The following RDX variants were observed in gnomAD, a reference collection of about 807,000 sequenced individuals.
RDX encodes deafness, autosomal recessive 24.
A neutral mutation model predicts 83.7 loss-of-function variants in RDX; 32 were observed. That is an observed-to-expected ratio of 0.38 (90% CI 0.29 to 0.51). The LOEUF (loss-of-function observed/expected upper bound fraction) is 0.51, where lower values mean the gene tolerates loss of function less well. Among genes scored for constraint, RDX ranks in the 20% least tolerant of loss-of-function variants. The pLI, the probability that RDX is intolerant of heterozygous loss-of-function variation, is 0.87. For missense variants in RDX, 600 were observed against 689.9 expected (o/e 0.87, Z 1.46); for synonymous variants, 229 against 222.7 (o/e 1.03, Z -0.25).
chr11:110,244,393 G>A (rs1865224546), intron 10 of RDX, among the ~76,000 whole-genome samples: 1 of 143,654 alleles, frequency 7.0e-6, no homozygotes, highest in Admixed American at 6.9e-5. Context: ...AAAAAAGAGA[G>A]TGGAGTGCTG....
At chr11:110,250,246 G>A (rs1001683303) in intron 9 of RDX, among the ~76,000 whole-genome samples, 2 of 152,140 alleles carry the variant, frequency 1.3e-5, no homozygotes, top group Non-Finnish European at 2.9e-5. Context: ...ATCACGCTTT[G>A]TGTGAAAGCA....
At chr11:110,244,647 T>C (rs148612483) in intron 10 of RDX, among the ~76,000 whole-genome samples, 184 of 152,296 alleles carry the variant, frequency 1.2e-3, no homozygotes, top group East Asian at 7.3e-3. Context: ...ATTATGATGA[T>C]AGCTGTACAA....
intron 1 of RDX, among the ~76,000 whole-genome samples, chr11:110,284,815 G>A (rs537564968): frequency 6.6e-6 from 1 of 152,012 alleles, no homozygotes; most frequent in African/African-American, 2.4e-5. Context: ...GAGCCACCAC[G>A]CCCGGCCAAC....
At chr11:110,187,591 G>A (rs1427643561) in intron 15 of RDX, among the ~76,000 whole-genome samples, 1 of 152,170 alleles carries the variant, frequency 6.6e-6, no homozygotes, top group Non-Finnish European at 1.5e-5. Flanking sequence ...AGAGAACTTG[G>A]AGCTGAGAAG....
At chr11:110,280,703 C>T (rs1421970733) in intron 1 of RDX, among the ~76,000 whole-genome samples, 1 of 152,256 alleles carries the variant, frequency 6.6e-6, no homozygotes, top group African/African-American at 2.4e-5. Flanking sequence ...ACTTTAGGAC[C>T]TGTAATCCCA....
chr11:110,185,389 A>T (rs781123461), intron 15 of RDX: 13 of 152,300 alleles, frequency 8.5e-5, no homozygotes, highest in Non-Finnish European at 1.8e-4. Flanking sequence ...GTTCTTCTGG[A>T]GTTTGAGGGA....
chr11:110,274,118 A>C (rs1200825144), intron 2 of RDX, among the ~76,000 whole-genome samples: 2 of 152,162 alleles, frequency 1.3e-5, no homozygotes, highest in African/African-American at 4.8e-5. Flanking sequence ...CCTTCTTTAA[A>C]ATAATCTTAT....
At chr11:110,196,514 G>A (rs566948476) in intron 15 of RDX, among the ~76,000 whole-genome samples, 12 of 152,300 alleles carry the variant, frequency 7.9e-5, no homozygotes, top group Admixed American at 2.6e-4. Flanking sequence ...ATAAGATGAC[G>A]GTATAAACAC....
At chr11:110,226,599 G>A (rs755780286), downstream of RDX, among the ~76,000 whole-genome samples, 5 of 152,040 alleles carry the variant, frequency 3.3e-5, no homozygotes, top group Admixed American at 6.6e-5. Flanking sequence ...GCACTGAACT[G>A]TACACTTAAA....
At chr11:110,182,120 A>G (rs1372426527) in intron 15 of RDX, among the ~76,000 whole-genome samples, 2 of 152,176 alleles carry the variant, frequency 1.3e-5, no homozygotes, top group African/African-American at 4.8e-5. Context: ...GAGACTTCCA[A>G]TTCTACCCTT....
intron 15 of RDX, among the ~76,000 whole-genome samples, chr11:110,184,281 A>C (rs1204672878): frequency 1.3e-5 from 2 of 152,174 alleles, no homozygotes; most frequent in African/African-American, 2.4e-5. Context: ...ACTAGCTCTG[A>C]CCATGAAATA....
intron 15 of RDX, among the ~76,000 whole-genome samples, chr11:110,197,251 ACAGG>A (rs1863237815): frequency 6.6e-6 from 1 of 152,160 alleles, no homozygotes; most frequent in African/African-American, 2.4e-5. Context: ...CCATAATCCT[ACAGG>A]CCCCTAGTCA....
chr11:110,185,369 A>G (rs1048061606), intron 15 of RDX: 1 of 152,250 alleles, frequency 6.6e-6, no homozygotes, highest in Non-Finnish European at 1.5e-5. Context: ...GACAGCCTTG[A>G]GAACATTGGG....
chr11:110,257,407 T>C (rs993219485), intron 7 of RDX, among the ~76,000 whole-genome samples: 3 of 152,124 alleles, frequency 2.0e-5, no homozygotes, highest in African/African-American at 7.2e-5. Flanking sequence ...TTATGTATGT[T>C]CAATTTCAAT....
intron 1 of RDX, among the ~76,000 whole-genome samples, chr11:110,288,980 G>A (rs1861102392): frequency 6.6e-6 from 1 of 152,156 alleles, no homozygotes; most frequent in Non-Finnish European, 1.5e-5. Flanking sequence ...GCTCACACCT[G>A]CAATCCCAGC....
At chr11:110,244,111 C>G (rs1240200398) in intron 10 of RDX, among the ~76,000 whole-genome samples, 1 of 152,150 alleles carries the variant, frequency 6.6e-6, no homozygotes, top group African/African-American at 2.4e-5. Flanking sequence ...TAAAAAACAT[C>G]AGATTTCAAA....
At chr11:110,252,664 CAATA>C (rs994314218) in intron 9 of RDX, among the ~76,000 whole-genome samples, 1 of 152,104 alleles carries the variant, frequency 6.6e-6, no homozygotes, top group African/African-American at 2.4e-5. Context: ...AAGTAAAGCC[CAATA>C]AAGAGTATTT....
chr11:110,189,242 G>GAAAAAAAAAAAAAAAAAAAAAAAAA (rs1565282257), intron 15 of RDX, among the ~76,000 whole-genome samples: 1 of 38,000 alleles, frequency 2.6e-5, no homozygotes, highest in African/African-American at 1.2e-4. Context: ...TGAACAACAG[G>GAAAAAAAAAAAAAAAAAAAAAAAAA]TAAAAAAAAA....
chr11:110,262,229 A>G (rs181082022), intron 5 of RDX, among the ~76,000 whole-genome samples: 3 of 152,138 alleles, frequency 2.0e-5, no homozygotes, highest in Admixed American at 6.5e-5. Context: ...ACATAATTCT[A>G]TCCTTTTCCA....
Sources: gnomAD v4.1 joint callset for allele counts (sites outside exome capture counted in the v4.1 genomes callset) on GRCh38, gnomAD v4.1.1 for gene constraint, MANE v1.5 for transcripts, NCBI Gene and HGNC (gene_info 2026-07-23, HGNC 2026-07-21) for gene names.